The following CNTNAP5 variants were observed in gnomAD, a reference collection of about 807,000 sequenced individuals.
CNTNAP5 encodes contactin associated protein family member 5, also known as contactin-associated protein-like 5.
A neutral mutation model predicts 150.2 loss-of-function variants in CNTNAP5; 72 were observed. The ratio of observed to expected loss-of-function variants is 0.48; its 90% CI spans 0.40 to 0.58. The LOEUF is 0.58. Ranked by LOEUF, CNTNAP5 falls within the 20% of genes least tolerant of loss-of-function variation. The pLI is 0.00. For missense variants in CNTNAP5, 1,636 were observed against 1,626.2 expected (o/e 1.01, Z -0.10); for synonymous variants, 672 against 619.8 (o/e 1.08, Z -1.25).
intron 4 of CNTNAP5, among the ~76,000 whole-genome samples, chr2:124,424,421 G>T (rs369293482): frequency 3.2e-4 from 49 of 152,240 alleles, no homozygotes; most frequent in African/African-American, 1.1e-3. Context: ...TGTGAACTTT[G>T]ATTCCCACTT....
At chr2:124,604,528 A>T (rs988223299) in intron 11 of CNTNAP5, among the ~76,000 whole-genome samples, 1 of 152,220 alleles carries the variant, frequency 6.6e-6, no homozygotes, top group Non-Finnish European at 1.5e-5. Context: ...ATTAAAGTGA[A>T]AGCATCAACC....
chr2:124,584,929 C>A (rs1005802225), intron 11 of CNTNAP5, among the ~76,000 whole-genome samples: 4 of 152,158 alleles, frequency 2.6e-5, no homozygotes, highest in African/African-American at 4.8e-5. Flanking sequence ...ACAGATAGAG[C>A]CCTTACTAAT....
At chr2:124,734,821 G>T (rs942354062) in intron 13 of CNTNAP5, among the ~76,000 whole-genome samples, 1 of 152,128 alleles carries the variant, frequency 6.6e-6, no homozygotes, top group Admixed American at 6.6e-5. Context: ...TTAGCAATCC[G>T]TGGTGTCATC....
In CNTNAP5 at chr2:124,860,867, A is replaced by C. The variant is rs549468040; in HGVS notation, c.3218-4439A>C. Among the ~76,000 whole-genome samples, 20 of 152,202 alleles carry C rather than the reference A, an allele frequency of 1.3e-4. 1 individual carries two copies. The East Asian group carries it at 1.7e-3, about 13-fold the overall frequency. On this transcript the variant is annotated intron_variant, in intron 19 of 23. Coordinates refer to ENST00000682447, the MANE Select transcript of CNTNAP5 (RefSeq NM_001367498.1). ...GGAGAGTCAACCTAATGAGAAGGGC[A>C]TTCTGGGCAGCGGTGATCACCATGG...
chr2:124,711,249 C>T (rs908330175), intron 13 of CNTNAP5, among the ~76,000 whole-genome samples: 8 of 151,322 alleles, frequency 5.3e-5, no homozygotes, highest in Admixed American at 3.3e-4. Context: ...CCAGGCTGGG[C>T]GATAGAGTGA....
intron 1 of CNTNAP5, among the ~76,000 whole-genome samples, chr2:124,122,212 T>A (rs915895263): frequency 1.3e-5 from 2 of 152,150 alleles, no homozygotes; most frequent in Non-Finnish European, 2.9e-5. Context: ...TCCAGCTATA[T>A]TTAGACAGCC....
chr2:124,274,314 TACACTTTAATTTTCTA>T (rs1213692260), intron 3 of CNTNAP5, among the ~76,000 whole-genome samples: 1 of 152,186 alleles, frequency 6.6e-6, no homozygotes, highest in Non-Finnish European at 1.5e-5. Context: ...AGTTATAAGG[TACACTTTAATTTTCTA>T]ACACTTGTGG....
intron 12 of CNTNAP5, among the ~76,000 whole-genome samples, chr2:124,647,242 A>C (rs569867908): frequency 6.6e-6 from 1 of 152,208 alleles, no homozygotes; most frequent in Non-Finnish European, 1.5e-5. Flanking sequence ...CCCTACAATT[A>C]ACTTCATTGC....
At chr2:124,466,581 G>C (rs1355547263) in intron 6 of CNTNAP5, among the ~76,000 whole-genome samples, 1 of 152,114 alleles carries the variant, frequency 6.6e-6, no homozygotes, top group Non-Finnish European at 1.5e-5. Context: ...CCAAACAATT[G>C]GAATTAACTT....
At chr2:124,056,924 A>G (rs1239480093) in intron 1 of CNTNAP5, among the ~76,000 whole-genome samples, 2 of 151,978 alleles carry the variant, frequency 1.3e-5, no homozygotes, top group African/African-American at 2.4e-5. Context: ...ATTTTCTCCA[A>G]GTTACTGTTT....
intron 1 of CNTNAP5, among the ~76,000 whole-genome samples, chr2:124,208,673 A>T (rs960802368): frequency 2.0e-5 from 3 of 152,206 alleles, no homozygotes; most frequent in African/African-American, 7.2e-5. Flanking sequence ...ATTCCTGACA[A>T]ATAAATAGCT....
At chr2:124,786,507 A>AGGG (rs1681597327) in intron 17 of CNTNAP5, among the ~76,000 whole-genome samples, 1 of 132,048 alleles carries the variant, frequency 7.6e-6, no homozygotes, top group African/African-American at 3.2e-5. Flanking sequence ...GAGGGAAAGA[A>AGGG]AAAGAAAGAA....
intron 13 of CNTNAP5, among the ~76,000 whole-genome samples, chr2:124,728,258 C>T (rs777670961): frequency 3.3e-5 from 5 of 151,770 alleles, no homozygotes; most frequent in Non-Finnish European, 7.4e-5. Flanking sequence ...TTTTCTTTGC[C>T]CTTGTCTGGC....
At chr2:124,047,051 A>C (rs1681558008) in intron 1 of CNTNAP5, among the ~76,000 whole-genome samples, 1 of 152,322 alleles carries the variant, frequency 6.6e-6, no homozygotes, top group East Asian at 1.9e-4. Context: ...TCACAGCCTA[A>C]GAATCGAGTG....
chr2:124,694,851 G>A (rs1410217565), intron 13 of CNTNAP5, among the ~76,000 whole-genome samples: 1 of 152,112 alleles, frequency 6.6e-6, no homozygotes, highest in Non-Finnish European at 1.5e-5. Flanking sequence ...GTACCAGTCA[G>A]TATTTTCATT....
At chr2:124,075,719 T>A (rs544071999) in intron 1 of CNTNAP5, among the ~76,000 whole-genome samples, 1 of 152,258 alleles carries the variant, frequency 6.6e-6, no homozygotes, top group South Asian at 2.1e-4. Context: ...GCTGTCTGTG[T>A]GTGGACTGAT....
chr2:124,707,205 AAT>A (rs1679709019), intron 13 of CNTNAP5, among the ~76,000 whole-genome samples: 2 of 145,254 alleles, frequency 1.4e-5, no homozygotes, highest in Admixed American at 1.4e-4. Context: ...GAAGAAGAAG[AAT>A]AAACAACTTG....
chr2:124,842,362 C>G (rs994075574), intron 19 of CNTNAP5, among the ~76,000 whole-genome samples: 2 of 152,066 alleles, frequency 1.3e-5, no homozygotes, highest in Non-Finnish European at 2.9e-5. Context: ...AGGCCTGAAC[C>G]AAGGAACCTG....
intron 3 of CNTNAP5, among the ~76,000 whole-genome samples, chr2:124,388,030 CA>C (rs1364568284): frequency 6.6e-6 from 1 of 152,206 alleles, no homozygotes; most frequent in Non-Finnish European, 1.5e-5. Context: ...CACCTCTCCT[CA>C]TAGGCTTCAG....
Sources: gnomAD v4.1 joint callset for allele counts (sites outside exome capture counted in the v4.1 genomes callset) on GRCh38, gnomAD v4.1.1 for gene constraint, MANE v1.5 for transcripts, NCBI Gene and HGNC (gene_info 2026-07-23, HGNC 2026-07-21) for gene names.